The following SCP2 variants were observed in gnomAD, a reference collection of about 807,000 sequenced individuals.
The protein encoded by SCP2 is SCP-2/3-oxoacyl-CoA thiolase.
Under a neutral mutation model 71.4 loss-of-function variants are expected in SCP2, and 48 were observed. The ratio of observed to expected loss-of-function variants is 0.67; its 90% CI spans 0.53 to 0.86. The LOEUF (loss-of-function observed/expected upper bound fraction) is 0.86. SCP2 is among the 40% of genes least tolerant of loss of function. SCP2 has a pLI of 0.00. For missense variants in SCP2, 560 were observed against 655.6 expected (o/e 0.85, Z 1.59); for synonymous variants, 220 against 218.1 (o/e 1.01, Z -0.08).
At chr1:52,976,328 T>C (rs766242246) in intron 7 of SCP2, among the ~76,000 whole-genome samples, 2 of 152,138 alleles carry the variant, frequency 1.3e-5, no homozygotes, top group Non-Finnish European at 2.9e-5. Context: ...CTCAACTCTG[T>C]AGTCACATGG....
chr1:53,017,831 G>C (rs1040671677), intron 12 of SCP2, among the ~76,000 whole-genome samples: 1 of 152,076 alleles, frequency 6.6e-6, no homozygotes, highest in African/African-American at 2.4e-5. Context: ...AGCATTGCAG[G>C]TGATTAACTT....
chr1:53,029,061 C>G (rs1226228267), intron 13 of SCP2, among the ~76,000 whole-genome samples: 18 of 152,140 alleles, frequency 1.2e-4, no homozygotes. Context: ...CAGGGGTGAG[C>G]CACCGTGCCC....
intron 13 of SCP2, among the ~76,000 whole-genome samples, chr1:53,033,590 G>A (rs528495573): frequency 4.0e-4 from 48 of 120,824 alleles, no homozygotes; most frequent in African/African-American, 1.5e-3. Context: ...GGGAGACAGA[G>A]CAAAACTCCA....
At chr1:52,995,600 C>T in intron 11 of SCP2, 1 of 524,276 alleles carries the variant, frequency 1.9e-6, no homozygotes, top group Non-Finnish European at 3.7e-6. Flanking sequence ...ATTTCAATGC[C>T]AAGAACATAA....
chr1:52,985,317 C>T (rs369083167), intron 10 of SCP2, among the ~76,000 whole-genome samples: 112 of 152,264 alleles, frequency 7.4e-4, no homozygotes, highest in African/African-American at 2.6e-3. Flanking sequence ...CCTCAGTCTT[C>T]CCCATCCTCC....
chr1:52,985,280 T>C (rs1472421975), intron 10 of SCP2, among the ~76,000 whole-genome samples: 2 of 152,206 alleles, frequency 1.3e-5, no homozygotes, highest in East Asian at 3.9e-4. Context: ...AAAATTGAGC[T>C]ATGGATATTT....
intron 1 of SCP2, among the ~76,000 whole-genome samples, chr1:52,928,109 A>G (rs1015577970): frequency 6.6e-6 from 1 of 152,162 alleles, no homozygotes; most frequent in Admixed American, 6.5e-5. Context: ...ACTTTTGTGC[A>G]TCCTGAAAGG....
chr1:52,996,075 C>CCAGGAGCTCT, intron 11 of SCP2: 1 of 900,038 alleles, frequency 1.1e-6, no homozygotes, highest in Non-Finnish European at 1.5e-6. Flanking sequence ...AGCCATCTTA[C>CCAGGAGCTCT]TCACCTGCCC....
At chr1:53,017,716 G>A (rs1267485344) in intron 12 of SCP2, among the ~76,000 whole-genome samples, 1 of 152,140 alleles carries the variant, frequency 6.6e-6, no homozygotes, top group African/African-American at 2.4e-5. Context: ...TAAATTAGAA[G>A]TAAAAATTGT....
At chr1:53,025,433 C>T (rs933209176) in intron 12 of SCP2, among the ~76,000 whole-genome samples, 1 of 152,178 alleles carries the variant, frequency 6.6e-6, no homozygotes, top group Non-Finnish European at 1.5e-5. Context: ...GAGCTCCAGA[C>T]TCTCATATCC....
chr1:53,040,590 G>A (rs905715148), intron 14 of SCP2, among the ~76,000 whole-genome samples: 4 of 151,948 alleles, frequency 2.6e-5, no homozygotes, highest in Non-Finnish European at 5.9e-5. Context: ...GCGTAGTGGC[G>A]GGCACGTGTA....
intron 15 of SCP2, 28 bp downstream of exon 15, chr1:53,047,965 T>C: frequency 6.7e-7 from 1 of 1,494,668 alleles, no homozygotes; most frequent in Non-Finnish European, 9.3e-7. Context: ...TATATCCTGC[T>C]AGTAGGTAGG....
chr1:53,041,998 G>A (rs576426869), intron 14 of SCP2, among the ~76,000 whole-genome samples: 33 of 152,244 alleles, frequency 2.2e-4, no homozygotes, highest in African/African-American at 4.3e-4. Flanking sequence ...TAACGTGCAC[G>A]GTTGAATAAG....
intron 2 of SCP2, among the ~76,000 whole-genome samples, chr1:52,945,118 T>C (rs1371257452): frequency 6.6e-6 from 1 of 152,138 alleles, no homozygotes; most frequent in African/African-American, 2.4e-5. Context: ...ATCTTGGTGT[T>C]ATTCTATTTT....
At chr1:52,945,249 C>T (rs1284299008) in intron 2 of SCP2, among the ~76,000 whole-genome samples, 1 of 152,076 alleles carries the variant, frequency 6.6e-6, no homozygotes, top group East Asian at 1.9e-4. Context: ...AGTGCAGTGG[C>T]TATTCACAGG....
chr1:52,952,730 A>G (rs1453239600), intron 4 of SCP2, among the ~76,000 whole-genome samples: 2 of 151,996 alleles, frequency 1.3e-5, no homozygotes, highest in African/African-American at 4.8e-5. Flanking sequence ...CTGTGCCACT[A>G]TACTCCAGCC....
intron 3 of SCP2, among the ~76,000 whole-genome samples, chr1:52,948,624 C>CCAA (rs1655017329): frequency 2.0e-5 from 1 of 49,546 alleles, no homozygotes. Context: ...GACTCCATCT[C>CCAA]AAAAAAAAAA....
chr1:52,976,713 AG>A lies in SCP2; in HGVS notation c.619del (p.Asp207MetfsTer3). The A allele has an allele frequency of 6.4e-7, 1 of 1,563,352 alleles. No homozygotes were observed. ...YSQFQDEYSL[D>X]EVMASKEVFD... ...CCCAGTTCCAAGATGAATACAGTTT[AG>A]ATGAAGTGATGGCATCTAAAGAAGT... On this transcript the variant is annotated frameshift_variant, in exon 8 of 16. Transcript: ENST00000371514. LOFTEE classifies it high-confidence loss of function.
At position 53,050,908 on chromosome 1, in the gene SCP2, C is replaced by T. The variant is rs971637429; in HGVS notation, c.*204C>T. The T allele has an allele frequency of 4.9e-5, 25 of 509,864 alleles. No homozygotes were observed. The highest frequency in any genetic ancestry group is 7.8e-5 in the Non-Finnish European group (22 of 282,894). The allele number at this position is 509,864 out of a possible 1,614,324, so 31.6% of individuals were successfully genotyped here. On this transcript the variant is annotated 3_prime_UTR_variant, in exon 16 of 16. Transcript: ENST00000371514. The stretch of plus-strand genomic sequence containing the variant: ...GGTATACTACTGCTTTGCGGAATTG[C>T]ATACAACTGTGCATTACAAAGTTAA...
Sources: gnomAD v4.1 joint callset for allele counts (sites outside exome capture counted in the v4.1 genomes callset) on GRCh38, gnomAD v4.1.1 for gene constraint, MANE v1.5 for transcripts, NCBI Gene and HGNC (gene_info 2026-07-23, HGNC 2026-07-21) for gene names.